The following LACTBL1 variants were observed in gnomAD, a reference collection of about 807,000 sequenced individuals.
LACTBL1 encodes lactamase beta like 1, also known as beta-lactamase-like protein 1.
In LACTBL1, 29 loss-of-function variants were observed where a neutral mutation model predicts 39.6. The observed-to-expected ratio is 0.73, with a 90% CI of 0.55 to 1.00. The LOEUF (loss-of-function observed/expected upper bound fraction) is 1.00, where lower values mean the gene tolerates loss of function less well. LACTBL1 is among the 50% of genes least tolerant of loss of function. The pLI is 0.00. For synonymous variants in LACTBL1, 361 were observed against 360.7 expected, an observed-to-expected ratio of 1.00 and a Z score of -0.01; for missense variants, 711 against 748.5, an observed-to-expected ratio of 0.95 and a Z score of 0.59.
intron 1 of LACTBL1, among the ~76,000 whole-genome samples, chr1:22,964,261 C>G (rs1640855401): frequency 6.6e-6 from 1 of 152,184 alleles, no homozygotes; most frequent in Non-Finnish European, 1.5e-5. Context: ...TCTGTCAGCT[C>G]CTTCCACCTT....
Position 22,963,984 on chromosome 1 carries a change from G to A in LACTBL1, c.50-768C>T, listed in dbSNP as rs575296866. On this transcript the variant is annotated intron_variant, in intron 1 of 5. Transcript: ENST00000426928. ...TGCCCAGGCTGGAGTACAATGGTGC[G>A]ATCTCAGCTCACTGCGATCTCAGCT... 2.0e-5 allele frequency among the ~76,000 whole-genome samples: 3 copies of A among 152,064 alleles called. No individual in the cohort carries two copies. The South Asian group carries it at 6.2e-4, about 32-fold the overall frequency.
intron 1 of LACTBL1, among the ~76,000 whole-genome samples, chr1:22,963,451 G>A (rs1368605456): frequency 6.6e-6 from 1 of 152,174 alleles, no homozygotes; most frequent in African/African-American, 2.4e-5. Flanking sequence ...GGTGGTCACT[G>A]TACTCCCCTC....
At chr1:22,963,286 A>C in intron 1 of LACTBL1, 70 bp from the exon 4 acceptor site, 1 of 905,302 alleles carries the variant, frequency 1.1e-6, no homozygotes, top group Non-Finnish European at 1.5e-6. Context: ...AAGTGGCAGC[A>C]AAGGCCAGAG....
the LACTBL1 span, among the ~76,000 whole-genome samples, chr1:22,972,587 AGTTT>A: frequency 6.6e-6 from 1 of 152,012 alleles, no homozygotes; most frequent in African/African-American, 2.4e-5. Context: ...CCGGCATCCC[AGTTT>A]GTCCAGGACT....
chr1:22,972,786 A>T, the LACTBL1 span: 799,728 of 816,552 alleles, frequency 0.98, 391,648 homozygotes, highest in East Asian at 1. Context: ...TCCAGAAGGT[A>T]CCAGCAAGAA....
upstream of LACTBL1, among the ~76,000 whole-genome samples, chr1:22,967,474 G>T (rs1433322719): frequency 6.6e-6 from 1 of 151,956 alleles, no homozygotes; most frequent in Non-Finnish European, 1.5e-5. Flanking sequence ...AACCTGGGAG[G>T]TCGTCGAGGC....
upstream of LACTBL1, among the ~76,000 whole-genome samples, chr1:22,969,236 A>G (rs1295567827): frequency 6.6e-6 from 1 of 152,164 alleles, no homozygotes; most frequent in East Asian, 1.9e-4. Flanking sequence ...AGGTTTTTGT[A>G]CTTTTACACA....
the LACTBL1 span, among the ~76,000 whole-genome samples, chr1:22,971,745 G>GT: frequency 6.6e-6 from 1 of 152,208 alleles, no homozygotes; most frequent in Non-Finnish European, 1.5e-5. Flanking sequence ...TGGCTCTGCC[G>GT]TTACTAGTTC....
intron 2 of LACTBL1, among the ~76,000 whole-genome samples, chr1:22,961,700 G>A (rs1466537459): frequency 2.0e-5 from 3 of 151,654 alleles, no homozygotes; most frequent in East Asian, 2.0e-4. Flanking sequence ...ACCTTGCCAC[G>A]TGATTTTACA....
Position 22,955,308 on chromosome 1 carries a change from G to T in LACTBL1, c.659+13C>A. The T allele has an allele frequency of 1.3e-6, 2 of 1,545,230 alleles. No individual in the cohort carries two copies. The highest frequency in any genetic ancestry group is 8.8e-7 in the Non-Finnish European group (1 of 1,142,208). The stretch of plus-strand genomic sequence containing the variant: ...TCCTAACATGAGGCTGGGCATCAGG[G>T]TATGCTCCTCACCTGGTTCCCGGGT... On this transcript the variant is annotated intron_variant, in intron 5 of 5. Transcript: ENST00000426928.
the LACTBL1 span, among the ~76,000 whole-genome samples, chr1:22,971,213 C>T: frequency 6.6e-6 from 1 of 152,164 alleles, no homozygotes; most frequent in African/African-American, 2.4e-5. Context: ...CTGTAAGATG[C>T]ACCACCCCCC....
At chr1:22,960,559 G>A (rs1640810970) in intron 2 of LACTBL1, among the ~76,000 whole-genome samples, 1 of 141,524 alleles carries the variant, frequency 7.1e-6, no homozygotes, top group African/African-American at 2.6e-5. Context: ...GGAGGTTGCA[G>A]TGAGCCAAGA....
intron 4 of LACTBL1, among the ~76,000 whole-genome samples, chr1:22,956,084 G>T (rs958747473): frequency 7.9e-6 from 1 of 126,786 alleles, no homozygotes; most frequent in African/African-American, 3.1e-5. Flanking sequence ...AAAAAAAAAA[G>T]AGTTTGGTCC....
In LACTBL1 at chr1:22,953,188, C is replaced by T. The variant is rs1463750147; in HGVS notation, c.1496G>A (p.Trp499Ter). ...CCCGTGCTGGGCCTCGAGCGAGAGCCACGCGTCGCCGAGTGGCAGTGCGCA... is the reference window on the plus strand; with the variant it reads ...CCCGTGCTGGGCCTCGAGCGAGAGCTACGCGTCGCCGAGTGGCAGTGCGCA... The change falls in exon 6 of 6, where the codon TGG becomes TAG. Residue 499 changes from tryptophan (W) to a stop codon, truncating the protein, a stop_gained. Transcript: ENST00000426928. LOFTEE classifies it high-confidence loss of function. The T allele has an allele frequency of 3.2e-6, 4 of 1,232,040 alleles. No individual in the cohort carries two copies. The East Asian group carries it at 1.3e-4, about 39-fold the overall frequency. 76.3% of individuals were successfully genotyped at this position (1,232,040 alleles called of 1,614,324 possible). A position where few individuals can be genotyped will look rare whatever the true frequency, so the allele number is the denominator to read the frequency against.
At chr1:22,962,785 C>T (rs10917334) in intron 2 of LACTBL1, among the ~76,000 whole-genome samples, 80,259 of 151,888 alleles carry the variant, frequency 0.53, 24,176 homozygotes, top group Non-Finnish European at 0.69. Context: ...ACCACTTCCT[C>T]CAGAAGGAGG....
rs72873480 is a variant in LACTBL1 at position 22,962,878 on chromosome 1, T to C, written c.159+229A>G. On this transcript the variant is annotated intron_variant, in intron 2 of 5. Transcript: ENST00000426928. ...CTCACTCTTGCCCCAGGATTATAAATGTTTGGTATCTTCACCGTTCCTCTC... is the reference window on the plus strand; with the variant it reads ...CTCACTCTTGCCCCAGGATTATAAACGTTTGGTATCTTCACCGTTCCTCTC... Among the ~76,000 whole-genome samples, 901 of 152,316 alleles carry C rather than the reference T, an allele frequency of 5.9e-3. 10 individuals carry two copies. The highest frequency in any genetic ancestry group is 0.021 in the African/African-American group (853 of 41,572).
chr1:22,955,458 C>A, intron 4 of LACTBL1, 32 bp from the exon 7 acceptor site: 1 of 1,478,610 alleles, frequency 6.8e-7, no homozygotes, highest in Non-Finnish European at 9.2e-7. Context: ...ACTTACCGGG[C>A]CCGGCTGAGG....
At chr1:22,965,476 G>A (rs758254978), upstream of LACTBL1, 70 of 1,221,930 alleles carry the variant, frequency 5.7e-5, no homozygotes, top group Non-Finnish European at 6.4e-5. Flanking sequence ...CAGTCAGAGG[G>A]AAGAGAGGGA....
chr1:22,957,746 G>A (rs1009834848), intron 4 of LACTBL1, among the ~76,000 whole-genome samples: 2 of 142,164 alleles, frequency 1.4e-5, no homozygotes, highest in Admixed American at 7.5e-5. Context: ...CGCCTTCCAG[G>A]TTCAAGAGAT....
Sources: gnomAD v4.1 joint callset for allele counts (sites outside exome capture counted in the v4.1 genomes callset) on GRCh38, gnomAD v4.1.1 for gene constraint, MANE v1.5 for transcripts, NCBI Gene and HGNC (gene_info 2026-07-23, HGNC 2026-07-21) for gene names.